SLC16A9: variants seen among roughly 807,000 people sequenced by gnomAD.
SLC16A9 encodes monocarboxylate transporter 9.
A neutral mutation model predicts 44.3 loss-of-function variants in SLC16A9; 26 were observed. The ratio of observed to expected loss-of-function variants is 0.59; its 90% CI spans 0.43 to 0.81. The LOEUF is 0.81. Ranked by LOEUF, SLC16A9 falls within the 40% of genes least tolerant of loss-of-function variation. The pLI is 0.00. For synonymous variants in SLC16A9, 230 were observed against 225.1 expected, an observed-to-expected ratio of 1.02 and a Z score of -0.19; for missense variants, 559 against 595.8, an observed-to-expected ratio of 0.94 and a Z score of 0.64.
intron 4 of SLC16A9, among the ~76,000 whole-genome samples, chr10:59,657,387 A>G (rs1029667606): frequency 1.3e-5 from 2 of 152,176 alleles, no homozygotes; most frequent in African/African-American, 4.8e-5. Context: ...CTAGGTCACA[A>G]TATTTCAAGT....
At chr10:59,669,699 G>A (rs2132443561) in intron 3 of SLC16A9, among the ~76,000 whole-genome samples, 1 of 152,210 alleles carries the variant, frequency 6.6e-6, no homozygotes, top group South Asian at 2.1e-4. Context: ...AGTCAAGCGT[G>A]GTGGCTTGCT....
In SLC16A9 at chr10:59,654,349, T is replaced by C; in HGVS notation, c.677A>G (p.Asn226Ser). The stretch of plus-strand genomic sequence containing the variant: ...ACTACTGTAGCTCTTGTCAAGAATG[T>C]TTATGTTTTCTTCCAGATTCTTTCC... ...EKGKNLEENI[N>S]ILDKSYSSEE... Residue 226 changes from asparagine to serine, a missense_variant, in exon 5 of 6, where the codon AAC becomes AGC. Asn to Ser is a conservative substitution (Grantham distance 46). Transcript: ENST00000395348. 6.2e-7 allele frequency: 1 copy of C among 1,614,096 alleles called. No homozygotes were observed. The highest frequency in any genetic ancestry group is 8.5e-7 in the Non-Finnish European group (1 of 1,180,032).
intron 1 of SLC16A9, among the ~76,000 whole-genome samples, chr10:59,687,184 C>G (rs1564708550): frequency 6.6e-6 from 1 of 152,216 alleles, no homozygotes; most frequent in Admixed American, 6.5e-5. Flanking sequence ...GGATTACAGG[C>G]ATGAGCCACC....
At chr10:59,664,178 G>T in intron 4 of SLC16A9, 49 bp downstream of exon 4, 1 of 1,361,490 alleles carries the variant, frequency 7.3e-7, no homozygotes, top group Non-Finnish European at 1.0e-6. Flanking sequence ...TTTTTACTTT[G>T]TTTAGAAGAC....
intron 1 of SLC16A9, among the ~76,000 whole-genome samples, chr10:59,697,837 C>A (rs952006916): frequency 7.3e-5 from 11 of 151,214 alleles, no homozygotes; most frequent in African/African-American, 2.4e-4. Context: ...AAGTTCTGGT[C>A]CAGTCTGTGC....
At chr10:59,690,447 G>A (rs776253443) in intron 1 of SLC16A9, among the ~76,000 whole-genome samples, 10 of 152,246 alleles carry the variant, frequency 6.6e-5, no homozygotes, top group African/African-American at 2.2e-4. Flanking sequence ...TTTAGGAGTC[G>A]AAGGAAATGA....
chr10:59,681,090 G>A (rs1289343904), intron 2 of SLC16A9, among the ~76,000 whole-genome samples: 3 of 152,010 alleles, frequency 2.0e-5, no homozygotes, highest in South Asian at 4.1e-4. Context: ...TGCTGAAATG[G>A]TCCCATAGAT....
intron 2 of SLC16A9, among the ~76,000 whole-genome samples, chr10:59,678,733 C>A (rs991873024): frequency 7.0e-6 from 1 of 143,278 alleles, no homozygotes; most frequent in African/African-American, 2.6e-5. Context: ...TTAGTAGAGA[C>A]GGGTTTTCAC....
Position 59,709,663 on chromosome 10 carries a change from C to CCGCTA in SLC16A9, c.-226_-222dup, listed in dbSNP as rs1840722459. ...CTGCCGGAGTATTAGGCAATCGGTC[C>CCGCTA]CGCTACGCGCTGCCCCGGGAGCCGC... On this transcript the variant is annotated 5_prime_UTR_variant, in exon 1 of 6. An upstream open reading frame in the 5' UTR gains an earlier in-frame stop. Coordinates refer to ENST00000395348, the MANE Select transcript of SLC16A9 (RefSeq NM_194298.3). The CCGCTA allele has an allele frequency of 6.6e-6, 1 of 151,398 alleles. No homozygotes were observed. The highest frequency in any genetic ancestry group is 2.4e-5 in the African/African-American group (1 of 41,098). The allele number at this position is 151,398 out of a possible 1,614,324, so 9.4% of individuals were successfully genotyped here.
intron 1 of SLC16A9, among the ~76,000 whole-genome samples, chr10:59,684,606 A>G (rs1171659): frequency 0.32 from 48,289 of 151,684 alleles, 8,545 homozygotes; most frequent in East Asian, 0.68. Flanking sequence ...CCAGATTCCC[A>G]CCCTGCTCAA....
At chr10:59,677,639 G>A (rs189472616) in intron 2 of SLC16A9, among the ~76,000 whole-genome samples, 16 of 152,216 alleles carry the variant, frequency 1.1e-4, no homozygotes, top group African/African-American at 3.9e-4. Context: ...GGCTTGTTTG[G>A]GGATTTCATA....
intron 4 of SLC16A9, among the ~76,000 whole-genome samples, chr10:59,661,766 A>AACCAAAACAGCATG (rs200819871): frequency 0.043 from 6,423 of 150,354 alleles, 476 homozygotes; most frequent in African/African-American, 0.15. Context: ...AGGCTACAGT[A>AACCAAAACAGCATG]GTACTGGTAC....
At chr10:59,704,845 C>G (rs1404672960) in intron 1 of SLC16A9, among the ~76,000 whole-genome samples, 1 of 152,194 alleles carries the variant, frequency 6.6e-6, no homozygotes, top group African/African-American at 2.4e-5. Context: ...ACAATTTATA[C>G]ATGATCATGT....
intron 1 of SLC16A9, among the ~76,000 whole-genome samples, chr10:59,705,392 G>T (rs1465066684): frequency 1.3e-5 from 2 of 152,136 alleles, no homozygotes; most frequent in Admixed American, 6.5e-5. Flanking sequence ...GACTCTGGGG[G>T]TAGACTCCTT....
At chr10:59,657,514 G>T (rs995935627) in intron 4 of SLC16A9, among the ~76,000 whole-genome samples, 1 of 152,060 alleles carries the variant, frequency 6.6e-6, no homozygotes, top group Admixed American at 6.6e-5. Flanking sequence ...CCTTCACCTA[G>T]CTCCCTGTGA....
intron 4 of SLC16A9, among the ~76,000 whole-genome samples, chr10:59,660,056 C>A (rs1839436312): frequency 6.6e-6 from 1 of 152,124 alleles, no homozygotes; most frequent in Admixed American, 6.5e-5. Flanking sequence ...TGGGAAATAT[C>A]TAAAATCAAC....
At chr10:59,656,644 A>G (rs1170760448) in intron 4 of SLC16A9, among the ~76,000 whole-genome samples, 1 of 152,176 alleles carries the variant, frequency 6.6e-6, no homozygotes, top group Non-Finnish European at 1.5e-5. Context: ...GGAATTTTGT[A>G]AACTGCAAAA....
chr10:59,690,852 A>G (rs1389269578), intron 1 of SLC16A9, among the ~76,000 whole-genome samples: 1 of 151,942 alleles, frequency 6.6e-6, no homozygotes, highest in Non-Finnish European at 1.5e-5. Context: ...GGGAGGCCGA[A>G]GTGGGTGGAT....
rs1273461974 is a variant in SLC16A9, at chr10:59,651,642, T to C, written c.*1130A>G. The C allele has an allele frequency of 6.6e-6, 1 of 152,184 alleles. No homozygotes were observed. The highest frequency in any genetic ancestry group is 1.5e-5 in the Non-Finnish European group (1 of 68,024). The allele number at this position is 152,184 out of a possible 1,614,324, so 9.4% of individuals were successfully genotyped here. On this transcript the variant is annotated 3_prime_UTR_variant, in exon 6 of 6. Transcript: ENST00000395348. ...TTTCTTTAGAAAAAAAATCAATGTA[T>C]TAAACATTGGAGTTTATCCCAAGGA...
Sources: allele counts gnomAD v4.1 joint callset (sites outside exome capture counted in the v4.1 genomes callset), GRCh38; gene constraint gnomAD v4.1.1; transcripts MANE v1.5; gene names NCBI Gene and HGNC (gene_info 2026-07-23, HGNC 2026-07-21).